The following TPM4 variants were observed in gnomAD, a reference collection of about 807,000 sequenced individuals.
TPM4 encodes tropomyosin 4.
Under a neutral mutation model 35.8 loss-of-function variants are expected in TPM4, and 17 were observed. The ratio of observed to expected loss-of-function variants is 0.47; its 90% CI spans 0.32 to 0.71. The LOEUF is 0.71. Among genes scored for constraint, TPM4 ranks in the 30% least tolerant of loss-of-function variants. The pLI, the probability that TPM4 is intolerant of heterozygous loss-of-function variation, is 0.03. For missense variants in TPM4, 240 were observed against 320.9 expected (o/e 0.75, Z 1.93); for synonymous variants, 120 against 122.9 (o/e 0.98, Z 0.15).
chr19:16,096,949 TTTTTTTTTTTTTTTTTTTTTTC>T (rs1332725689), intron 7 of TPM4, among the ~76,000 whole-genome samples: 1 of 68,560 alleles, frequency 1.5e-5, no homozygotes, highest in Admixed American at 1.6e-4. Context: ...TTTTTTTTTT[TTTTTTTTTTTTTTTTTTTTTTC>T]AAGACAGGGT....
intron 1 of TPM4, chr19:16,081,024 G>T (rs1357348787): frequency 2.5e-6 from 1 of 398,526 alleles, no homozygotes; most frequent in East Asian, 3.6e-5. Context: ...TCTCAGCCAG[G>T]CGGATTGAAG....
chr19:16,071,034 C>T (rs561781150), intron 2 of TPM4, among the ~76,000 whole-genome samples: 10 of 152,292 alleles, frequency 6.6e-5, no homozygotes, highest in African/African-American at 2.2e-4. Flanking sequence ...AGGAAGAATC[C>T]TCAAAGCCTC....
intron 1 of TPM4, among the ~76,000 whole-genome samples, chr19:16,079,546 C>T (rs2090455812): frequency 1.3e-5 from 2 of 152,168 alleles, no homozygotes; most frequent in South Asian, 2.1e-4. Context: ...CACTGCAATA[C>T]GAAACACCTG....
rs1362491985 is a variant in TPM4, at chr19:16,067,831, C to G, written c.114+93C>G. 2 of 1,172,958 alleles carry G rather than the reference C, an allele frequency of 1.7e-6. No homozygotes were observed. Among genetic ancestry groups the G allele is most frequent in the African/African-American group, 3.2e-5 (2 of 63,318 alleles). 72.7% of individuals were successfully genotyped at this position (1,172,958 alleles called of 1,614,324 possible). On this transcript the variant is annotated intron_variant, in intron 2 of 2. Transcript: ENST00000589897. This position sits in a 1 kb window ranked among gnomAD's most constrained non-coding sequence, Gnocchi z 4.1. The stretch of plus-strand genomic sequence containing the variant: ...GGAGCCCAGTTGGGGGTCGCAGACA[C>G]CTGCGGGAGGATAGGAGGCTGATGC...
At chr19:16,076,034 C>A (rs761818022), upstream of TPM4, 4 of 1,599,594 alleles carry the variant, frequency 2.5e-6, no homozygotes, top group Non-Finnish European at 2.6e-6. Flanking sequence ...GTTCCTCGCT[C>A]TGTCGTCCCC....
At chr19:16,092,431 G>C (rs2090639401) in intron 5 of TPM4, among the ~76,000 whole-genome samples, 1 of 151,806 alleles carries the variant, frequency 6.6e-6, no homozygotes, top group African/African-American at 2.4e-5. Context: ...CTCAGTTTAG[G>C]CCTTCTGATC....
At chr19:16,089,239 G>T in intron 5 of TPM4, 119 bp downstream of exon 5, 2 of 1,322,788 alleles carry the variant, frequency 1.5e-6, no homozygotes, top group Non-Finnish European at 1.0e-6. Context: ...AGTAGCGTTG[G>T]TGCCTGGCAG....
chr19:16,069,910 A>G (rs1324242009), intron 2 of TPM4, among the ~76,000 whole-genome samples: 3 of 151,756 alleles, frequency 2.0e-5, no homozygotes, highest in Non-Finnish European at 4.4e-5. Context: ...AGGTGACACT[A>G]TGCCCCTGGA....
chr19:16,076,906 G>A, intron 1 of TPM4: 2 of 1,120,522 alleles, frequency 1.8e-6, no homozygotes, highest in Non-Finnish European at 2.2e-6. Context: ...TGGGACAGGG[G>A]AGGGGGCGCC....
intron 7 of TPM4, among the ~76,000 whole-genome samples, chr19:16,098,933 G>A (rs775354446): frequency 6.6e-6 from 1 of 152,146 alleles, no homozygotes; most frequent in Non-Finnish European, 1.5e-5. Context: ...TCTCTGTTAT[G>A]AGGATTAAAT....
At chr19:16,076,234 G>A, upstream of TPM4, 1 of 1,547,164 alleles carries the variant, frequency 6.5e-7, no homozygotes, top group Non-Finnish European at 8.7e-7. Context: ...GGGCCGGGAA[G>A]GCGGGGAGAG....
chr19:16,101,020 A>C, intron 7 of TPM4: 1 of 319,504 alleles, frequency 3.1e-6, no homozygotes, highest in Non-Finnish European at 6.0e-6. Flanking sequence ...AAATACAAAA[A>C]TTAGCCGGGT....
chr19:16,083,105 A>G (rs1217582785), intron 2 of TPM4, among the ~76,000 whole-genome samples: 1 of 151,960 alleles, frequency 6.6e-6, no homozygotes. Context: ...GGACGGTGAC[A>G]GCTATTTCAG....
At chr19:16,069,546 G>GACTTTTTATGGGGTTGTATGTGTGT (rs1472776341) in intron 2 of TPM4, among the ~76,000 whole-genome samples, 826 of 8,092 alleles carry the variant, frequency 0.1, 8 homozygotes, top group African/African-American at 0.24. Context: ...TGTTGTGTGT[G>GACTTTTTATGGGGTTGTATGTGTGT]GATGAGTGTG....
At chr19:16,088,154 A>G (rs2144944076) in intron 4 of TPM4, 57 bp downstream of exon 4, 2 of 1,571,844 alleles carry the variant, frequency 1.3e-6, no homozygotes, top group Non-Finnish European at 1.7e-6. Flanking sequence ...CGGAGTGGGA[A>G]GGAGCTGGCT....
intron 7 of TPM4, chr19:16,099,658 AT>A (rs1160662998): frequency 5.1e-4 from 78 of 152,268 alleles, no homozygotes; most frequent in African/African-American, 1.8e-3. Flanking sequence ...GGCTGATGAT[AT>A]CACATTTTAT....
At position 16,088,460 on chromosome 19, in the gene TPM4, G is replaced by A. The variant is rs767380394; in HGVS notation, c.455+363G>A. 476 of 1,073,568 alleles carry A rather than the reference G, an allele frequency of 4.4e-4. 1 individual carries two copies. The highest frequency in any genetic ancestry group is 5.0e-4 in the Non-Finnish European group (449 of 890,956). 66.5% of individuals were successfully genotyped at this position (1,073,568 alleles called of 1,614,324 possible). ...GAAGGCAGGCTCCCCCGGTCAGTATGTAAATGCTTTTGCTCCTGTCAGTGT... is the reference window on the plus strand; with the variant it reads ...GAAGGCAGGCTCCCCCGGTCAGTATATAAATGCTTTTGCTCCTGTCAGTGT... On this transcript the variant is annotated intron_variant, in intron 4 of 7. Transcript: ENST00000643579.
chr19:16,098,426 G>T (rs554247461), intron 7 of TPM4, among the ~76,000 whole-genome samples: 2 of 151,728 alleles, frequency 1.3e-5, no homozygotes, highest in African/African-American at 2.4e-5. Flanking sequence ...CAGCCTGGGC[G>T]ACAGAGTGAG....
chr19:16,079,629 C>T (rs1175557589), intron 1 of TPM4: 4 of 219,738 alleles, frequency 1.8e-5, no homozygotes, highest in African/African-American at 4.5e-5. Context: ...TGTAGTTTTT[C>T]GGCCACGTTA....
Sources: allele counts gnomAD v4.1 joint callset (sites outside exome capture counted in the v4.1 genomes callset), GRCh38; gene constraint gnomAD v4.1.1; non-coding constraint Gnocchi (gnomAD v3.1); transcripts MANE v1.5; gene names NCBI Gene and HGNC (gene_info 2026-07-23, HGNC 2026-07-21).